The following HMGA2 variants were observed in gnomAD, a reference collection of about 807,000 sequenced individuals.
The protein encoded by HMGA2 is high mobility group AT-hook 2, also known as high mobility group protein HMGI-C.
A neutral mutation model predicts 19.1 loss-of-function variants in HMGA2; 8 were observed. That is an observed-to-expected ratio of 0.42 (90% CI 0.25 to 0.76). HMGA2 has a LOEUF of 0.76. Among genes scored for constraint, HMGA2 ranks in the 30% least tolerant of loss-of-function variants. The pLI is 0.28. For synonymous variants in HMGA2, 60 were observed against 48.8 expected (o/e 1.23, Z -0.96); for missense variants, 109 against 136.3 (o/e 0.80, Z 1.00).
intron 3 of HMGA2, among the ~76,000 whole-genome samples, chr12:65,893,185 C>T (rs778748959): frequency 1.3e-5 from 2 of 152,130 alleles, no homozygotes; most frequent in African/African-American, 4.8e-5. Flanking sequence ...CAGCTCAACT[C>T]TCGAATTGCT....
At chr12:65,844,027 G>C (rs1402740996) in intron 3 of HMGA2, among the ~76,000 whole-genome samples, 1 of 145,882 alleles carries the variant, frequency 6.9e-6, no homozygotes, top group Non-Finnish European at 1.5e-5. Context: ...CTACAGCCTG[G>C]GCAACAGAGC....
chr12:65,864,801 A>G (rs1451015996), intron 3 of HMGA2, among the ~76,000 whole-genome samples: 1 of 152,156 alleles, frequency 6.6e-6, no homozygotes, highest in Non-Finnish European at 1.5e-5. Context: ...TTATTTAACT[A>G]TGATTAGAAA....
At chr12:65,941,022 C>T (rs947450045) in intron 3 of HMGA2, among the ~76,000 whole-genome samples, 1 of 152,078 alleles carries the variant, frequency 6.6e-6, no homozygotes, top group African/African-American at 2.4e-5. Context: ...ATCGTGAAGC[C>T]GAGTTCAGAG....
rs1229228760 is a variant in HMGA2 at position 65,963,400 on chromosome 12, CTGGGG to C, written c.*129_*133del. On this transcript the variant is annotated 3_prime_UTR_variant, in exon 5 of 5. Transcript: ENST00000403681. ...ATTGCCATGGTCTTTCCACTTTCATCTGGGGTGGGGTGGGGTGGGGTGGGGGAGGG... is the reference window on the plus strand; with the variant it reads ...ATTGCCATGGTCTTTCCACTTTCATCTGGGGTGGGGTGGGGTGGGGGAGGG... The C allele has an allele frequency of 5.5e-4, 28 of 51,006 alleles. No individual in the cohort carries two copies. Among genetic ancestry groups the C allele is most frequent in the African/African-American group, 2.0e-3 (5 of 2,468 alleles). 3.2% of individuals were successfully genotyped at this position (51,006 alleles called of 1,614,324 possible). A position where few individuals can be genotyped will look rare whatever the true frequency, so the allele number is the denominator to read the frequency against.
At chr12:65,886,986 T>C (rs1030748459) in intron 3 of HMGA2, among the ~76,000 whole-genome samples, 3 of 152,224 alleles carry the variant, frequency 2.0e-5, no homozygotes, top group Non-Finnish European at 2.9e-5. Flanking sequence ...ATTCTTGGGA[T>C]TAATGACTGA....
intron 3 of HMGA2, chr12:65,857,995 T>A (rs1871831347): frequency 1.3e-5 from 2 of 153,074 alleles, no homozygotes; most frequent in South Asian, 4.2e-4. Context: ...GAACTTTCTA[T>A]AATGGTGCTT....
At chr12:65,939,033 G>T (rs1875993846) in intron 3 of HMGA2, among the ~76,000 whole-genome samples, 1 of 152,214 alleles carries the variant, frequency 6.6e-6, no homozygotes, top group Non-Finnish European at 1.5e-5. Context: ...GCTTGAGGAA[G>T]AAGAGCTACA....
intron 3 of HMGA2, among the ~76,000 whole-genome samples, chr12:65,890,200 GT>G (rs1338433112): frequency 6.6e-6 from 1 of 152,076 alleles, no homozygotes; most frequent in Non-Finnish European, 1.5e-5. Context: ...TTTAAGTATA[GT>G]CATTTAAATA....
intron 2 of HMGA2, chr12:65,829,153 T>G (rs1319485254): frequency 1.3e-5 from 2 of 152,154 alleles, no homozygotes; most frequent in African/African-American, 4.8e-5. Flanking sequence ...TTTGTGACTG[T>G]GGGTACTAAC....
chr12:65,936,507 C>T (rs1373221522), intron 3 of HMGA2, among the ~76,000 whole-genome samples: 1 of 152,162 alleles, frequency 6.6e-6, no homozygotes, highest in Admixed American at 6.6e-5. Context: ...AAGTGACTAA[C>T]TTGCAAATCA....
At chr12:65,849,358 A>G (rs959831924) in intron 3 of HMGA2, among the ~76,000 whole-genome samples, 6 of 152,174 alleles carry the variant, frequency 3.9e-5, no homozygotes, top group Non-Finnish European at 5.9e-5. Flanking sequence ...CTCTTGAGAG[A>G]TGGACATTCT....
intron 3 of HMGA2, chr12:65,873,708 A>G (rs944339829): frequency 6.6e-6 from 1 of 152,174 alleles, no homozygotes; most frequent in East Asian, 1.9e-4. Flanking sequence ...TTACTCTGTT[A>G]TATTTTATTA....
intron 3 of HMGA2, chr12:65,881,449 C>G (rs1020478898): frequency 6.6e-6 from 3 of 457,180 alleles, no homozygotes; most frequent in African/African-American, 3.9e-5. Context: ...GTAAATAAGA[C>G]TTGGCTAAAA....
intron 4 of HMGA2, among the ~76,000 whole-genome samples, chr12:65,959,396 A>G (rs1433001876): frequency 6.6e-6 from 1 of 152,212 alleles, no homozygotes; most frequent in Non-Finnish European, 1.5e-5. Flanking sequence ...AAGTAAGTGC[A>G]CTTTTCCAGT....
chr12:65,855,498 G>A (rs973522663), intron 3 of HMGA2, among the ~76,000 whole-genome samples: 70 of 129,774 alleles, frequency 5.4e-4, no homozygotes, highest in Non-Finnish European at 7.2e-4. Flanking sequence ...ACAGAGCAAA[G>A]CTGTGCTAAG....
At chr12:65,946,551 T>C (rs1876272387) in intron 3 of HMGA2, among the ~76,000 whole-genome samples, 1 of 152,206 alleles carries the variant, frequency 6.6e-6, no homozygotes, top group Non-Finnish European at 1.5e-5. Context: ...TTTTATTTAA[T>C]GTTTAGATTA....
intron 3 of HMGA2, among the ~76,000 whole-genome samples, chr12:65,930,679 C>A (rs1168034156): frequency 1.3e-5 from 2 of 152,192 alleles, no homozygotes; most frequent in Non-Finnish European, 2.9e-5. Context: ...ATTTCCTGTG[C>A]AAGCTCTAAG....
At chr12:65,874,359 C>A (rs548170223) in intron 3 of HMGA2, among the ~76,000 whole-genome samples, 1 of 152,082 alleles carries the variant, frequency 6.6e-6, no homozygotes, top group East Asian at 1.9e-4. Context: ...TGCTGAGACA[C>A]ATTGAGTGAA....
intron 3 of HMGA2, among the ~76,000 whole-genome samples, chr12:65,923,225 A>C (rs56371978): frequency 6.6e-6 from 1 of 152,138 alleles, no homozygotes; most frequent in Admixed American, 6.5e-5. Context: ...AAAAAAAAGA[A>C]GAAAAAAAAA....
Sources: allele counts gnomAD v4.1 joint callset (sites outside exome capture counted in the v4.1 genomes callset), GRCh38; gene constraint gnomAD v4.1.1; transcripts MANE v1.5; gene names NCBI Gene and HGNC (gene_info 2026-07-23, HGNC 2026-07-21).